Variants in SECISBP2 observed in about 807,000 individuals in gnomAD.
SECISBP2 encodes the protein selenocysteine insertion sequence-binding protein 2.
Under a neutral mutation model 98.2 loss-of-function variants are expected in SECISBP2, and 96 were observed. The observed-to-expected ratio is 0.98, with a 90% CI of 0.83 to 1.16. The LOEUF (loss-of-function observed/expected upper bound fraction) is 1.16. SECISBP2 is among the 50% of genes most tolerant of loss of function. The probability of loss-of-function intolerance (pLI) is 0.00; values close to 1 mark genes in which losing one functional copy is unlikely to be tolerated. For synonymous variants in SECISBP2, 407 were observed against 370.2 expected, an observed-to-expected ratio of 1.10 and a Z score of -1.14; for missense variants, 1,046 against 1,022.9, an observed-to-expected ratio of 1.02 and a Z score of -0.31.
In SECISBP2 at chr9:89,334,508, T is replaced by C. The variant is rs1828296413; in HGVS notation, c.881-14T>C. 2.5e-6 allele frequency: 4 copies of C among 1,612,562 alleles called. No individual in the cohort carries two copies. The highest frequency in any genetic ancestry group is 2.2e-5 in the East Asian group (1 of 44,854). ...TGTTGAGATTGTTCAACAATTTTGG[T>C]TATCTTTGAGCAGAGTTATCTTGGA... On this transcript the variant is annotated splice_polypyrimidine_tract_variant and intron_variant, in intron 6 of 16. Coordinates refer to ENST00000375807, the MANE Select transcript of SECISBP2 (RefSeq NM_024077.5).
intron 6 of SECISBP2, chr9:89,333,929 G>A: frequency 1.5e-6 from 1 of 646,482 alleles, no homozygotes; most frequent in Non-Finnish European, 1.9e-6. Context: ...CTAGTGAGGG[G>A]AACAGTCTGT....
downstream of SECISBP2, chr9:89,362,328 C>T (rs370391489): frequency 2.3e-5 from 37 of 1,613,486 alleles, no homozygotes; most frequent in Middle Eastern, 3.4e-4. Flanking sequence ...AGGCCTTCTC[C>T]GGGGGTGGCT....
downstream of SECISBP2, chr9:89,363,378 G>A (rs1833052548): frequency 1.3e-6 from 2 of 1,596,244 alleles, no homozygotes; most frequent in African/African-American, 2.7e-5. Context: ...TGTGGCAGGT[G>A]CCCTGCCCCT....
Position 89,331,600 on chromosome 9 carries a change from T to C in SECISBP2, c.802-1308T>C, listed in dbSNP as rs1827767134. Among the ~76,000 whole-genome samples the C allele has an allele frequency of 1.3e-5, 2 of 152,230 alleles. 1 individual carries two copies. Among genetic ancestry groups the C allele is most frequent in the South Asian group, 4.1e-4 (2 of 4,834 alleles). ...GACCCCCCCATACACATAGCGTCAT[T>C]ATATGTCTTATGTTTAATATGTGAG... On this transcript the variant is annotated intron_variant, in intron 5 of 16. Coordinates refer to ENST00000375807, the MANE Select transcript of SECISBP2 (RefSeq NM_024077.5).
intron 14 of SECISBP2, chr9:89,355,602 T>A (rs936719038): frequency 3.6e-5 from 34 of 939,666 alleles, no homozygotes; most frequent in South Asian, 1.5e-4. Flanking sequence ...AAAAAAAAAA[T>A]TGGCCATGCA....
chr9:89,328,536 G>A (rs909498854), intron 4 of SECISBP2, 124 bp from the exon 5 acceptor site: 6 of 736,778 alleles, frequency 8.1e-6, no homozygotes, highest in South Asian at 7.6e-5. Context: ...TAAGAGTTAC[G>A]GTGTTTTGAC....
chr9:89,332,073 G>A (rs913221768), intron 5 of SECISBP2, among the ~76,000 whole-genome samples: 3 of 152,132 alleles, frequency 2.0e-5, no homozygotes, highest in African/African-American at 7.2e-5. Context: ...TTTAAGAATG[G>A]CAAGGGAAGC....
chr9:89,364,932 G>GA, the SECISBP2 span: 3 of 102,582 alleles, frequency 2.9e-5, no homozygotes, highest in Admixed American at 3.8e-4. Flanking sequence ...GTGAAAACCA[G>GA]AATGTTGGGG....
intron 13 of SECISBP2, 27 bp from the exon 14 acceptor site, chr9:89,350,605 A>G (rs780746987): frequency 6.2e-7 from 1 of 1,604,992 alleles, no homozygotes; most frequent in Admixed American, 1.7e-5. Flanking sequence ...CAGTGGCACA[A>G]TTCCTGATGT....
intron 1 of SECISBP2, 78 bp downstream of exon 1, chr9:89,318,690 C>T (rs1451029004): frequency 1.7e-5 from 23 of 1,323,646 alleles, no homozygotes; most frequent in Non-Finnish European, 2.1e-5. Flanking sequence ...CGGGCGGTGA[C>T]GGGGCTGGTC....
chr9:89,326,140 A>T (rs1043176157), intron 4 of SECISBP2, 102 bp downstream of exon 4: 2 of 1,417,388 alleles, frequency 1.4e-6, no homozygotes, highest in African/African-American at 2.8e-5. Flanking sequence ...GTTCATTGTG[A>T]CTACTCCAAG....
At chr9:89,333,036 A>G (rs1828018316) in intron 6 of SECISBP2, 50 bp downstream of exon 6, 8 of 1,527,264 alleles carry the variant, frequency 5.2e-6, no homozygotes, top group Non-Finnish European at 7.3e-6. Context: ...TAGATTTTTT[A>G]AGTTCATTTT....
downstream of SECISBP2, among the ~76,000 whole-genome samples, chr9:89,359,879 C>G (rs562907422): frequency 2.6e-5 from 4 of 152,066 alleles, no homozygotes; most frequent in African/African-American, 7.2e-5. Flanking sequence ...CCTGCACTTG[C>G]GTTTTCACCA....
chr9:89,350,555 T>C, intron 13 of SECISBP2, 77 bp from the exon 14 acceptor site: 1 of 1,290,902 alleles, frequency 7.7e-7, no homozygotes, highest in African/African-American at 1.5e-5. Flanking sequence ...ACGTCTCTTC[T>C]CCCTGGGGTG....
chr9:89,337,413 A>G (rs1828930806), intron 7 of SECISBP2, among the ~76,000 whole-genome samples: 2 of 152,210 alleles, frequency 1.3e-5, no homozygotes, highest in South Asian at 4.1e-4. Context: ...ACTTATGGAA[A>G]AGGTCATCTC....
intron 6 of SECISBP2, 36 bp from the exon 7 acceptor site, chr9:89,334,486 T>G (rs1828292443): frequency 3.7e-4 from 570 of 1,545,460 alleles, no homozygotes; most frequent in Non-Finnish European, 4.5e-4. Flanking sequence ...ATTTTACTGT[T>G]GAGATTGTTC....
intron 10 of SECISBP2, among the ~76,000 whole-genome samples, chr9:89,342,697 TA>T: frequency 6.6e-6 from 1 of 152,258 alleles, no homozygotes; most frequent in East Asian, 1.9e-4. Flanking sequence ...TGATTCCACC[TA>T]AAAGAAATAT....
chr9:89,340,058 T>G, intron 9 of SECISBP2, 105 bp downstream of exon 9: 1 of 803,478 alleles, frequency 1.2e-6, no homozygotes. Context: ...TGGTGACAGG[T>G]GGTTTTGTTT....
intron 14 of SECISBP2, chr9:89,355,084 GT>G: frequency 1.0e-6 from 1 of 985,404 alleles, no homozygotes; most frequent in Non-Finnish European, 1.2e-6. Context: ...AGGGCTGTGG[GT>G]TTAGAAATTA....
Sources: gnomAD v4.1 joint callset for allele counts (sites outside exome capture counted in the v4.1 genomes callset) on GRCh38, gnomAD v4.1.1 for gene constraint, MANE v1.5 for transcripts, NCBI Gene and HGNC (gene_info 2026-07-23, HGNC 2026-07-21) for gene names.